Variants in RETREG1 observed in about 807,000 individuals in gnomAD.
RETREG1 encodes the protein family with sequence similarity 134 member B.
RETREG1 carries 44 observed loss-of-function variants against 54.8 expected under a neutral mutation model. That is an observed-to-expected ratio of 0.80 (90% confidence interval 0.63 to 1.03). RETREG1 has a LOEUF of 1.03. RETREG1 is among the 50% of genes least tolerant of loss of function. The probability of loss-of-function intolerance (pLI) is 0.00; values close to 1 mark genes in which losing one functional copy is unlikely to be tolerated. For missense variants in RETREG1, 554 were observed against 605.1 expected, an observed-to-expected ratio of 0.92 and a Z score of 0.89; for synonymous variants, 217 against 238.5, an observed-to-expected ratio of 0.91 and a Z score of 0.83.
At chr5:16,554,835 G>A (rs1339649528) in intron 3 of RETREG1, among the ~76,000 whole-genome samples, 1 of 152,234 alleles carries the variant, frequency 6.6e-6, no homozygotes, top group East Asian at 1.9e-4. Flanking sequence ...AAACTTACTG[G>A]TATAACACAA....
intron 1 of RETREG1, among the ~76,000 whole-genome samples, chr5:16,578,476 GC>G (rs1430883715): frequency 3.3e-5 from 5 of 152,104 alleles, no homozygotes; most frequent in African/African-American, 1.2e-4. Flanking sequence ...ATGGAAACTG[GC>G]CTGTAAGGAC....
chr5:16,575,851 T>C (rs2126311474), intron 1 of RETREG1, among the ~76,000 whole-genome samples: 1 of 152,376 alleles, frequency 6.6e-6, no homozygotes, highest in African/African-American at 2.4e-5. Context: ...GAATAATCTG[T>C]ATTTAGAAAA....
chr5:16,616,471 C>T, intron 1 of RETREG1, 181 bp downstream of exon 1: 1 of 1,112,564 alleles, frequency 9.0e-7, no homozygotes, highest in South Asian at 1.7e-5. Flanking sequence ...GGACGTGCGT[C>T]CGGAGGAAAG....
chr5:16,567,866 T>C (rs1338307644), intron 2 of RETREG1, among the ~76,000 whole-genome samples: 3 of 151,944 alleles, frequency 2.0e-5, no homozygotes, highest in Non-Finnish European at 2.9e-5. Flanking sequence ...GAGTCTGAGG[T>C]AGGAGGATCA....
intron 2 of RETREG1, 132 bp from the exon 3 acceptor site, chr5:16,565,925 T>C: frequency 1.1e-6 from 1 of 948,284 alleles, no homozygotes; most frequent in South Asian, 1.4e-5. Flanking sequence ...CACCATCAAG[T>C]CATACAGTGT....
At position 16,602,985 on chromosome 5, in the gene RETREG1, G is replaced by A. The variant is rs1349939120; in HGVS notation, c.320+13667C>T. Reference sequence around the variant, plus strand: ...ATGGCGCCATCACACTCCAGCCTGGGCAACAAGAGAGAAACTCTGTCTCAA... The same window carrying A: ...ATGGCGCCATCACACTCCAGCCTGGACAACAAGAGAGAAACTCTGTCTCAA... On this transcript the variant is annotated intron_variant, in intron 1 of 8. Transcript: ENST00000306320. Among the ~76,000 whole-genome samples, 4 of 152,260 alleles carry A rather than the reference G, an allele frequency of 2.6e-5. No individual in the cohort carries two copies. In the East Asian group the frequency reaches 7.7e-4, roughly 29 times the overall value.
At chr5:16,479,923 A>G (rs954500863) in intron 5 of RETREG1, among the ~76,000 whole-genome samples, 2 of 152,084 alleles carry the variant, frequency 1.3e-5, no homozygotes, top group African/African-American at 4.8e-5. Context: ...GTGCCAGATC[A>G]TAGTTTTCAG....
chr5:16,604,440 C>T (rs1743131297), intron 1 of RETREG1, among the ~76,000 whole-genome samples: 1 of 152,212 alleles, frequency 6.6e-6, no homozygotes, highest in African/African-American at 2.4e-5. Context: ...TATCAAGGAT[C>T]ACTGCAGGAA....
chr5:16,535,452 G>A (rs1344968808), intron 3 of RETREG1, among the ~76,000 whole-genome samples: 3 of 150,438 alleles, frequency 2.0e-5, no homozygotes, highest in Admixed American at 6.6e-5. Flanking sequence ...TCCTCCATGC[G>A]TGCGCCTTTG....
chr5:16,498,781 C>A (rs890770040), intron 3 of RETREG1, among the ~76,000 whole-genome samples: 4 of 152,206 alleles, frequency 2.6e-5, no homozygotes, highest in African/African-American at 9.7e-5. Flanking sequence ...AGGACTGGAA[C>A]TTTCTCTGGG....
intron 6 of RETREG1, 87 bp downstream of exon 6, chr5:16,478,763 A>C: frequency 8.2e-7 from 1 of 1,218,744 alleles, no homozygotes; most frequent in Non-Finnish European, 1.2e-6. Context: ...AGCTAAAAGT[A>C]TCCTCAAATG....
rs956604032 is a variant in RETREG1 at position 16,594,135 on chromosome 5, T to G, written c.321-22033A>C. Among the ~76,000 whole-genome samples, 1 of 152,238 alleles carries G rather than the reference T, an allele frequency of 6.6e-6. No homozygotes were observed. The highest frequency in any genetic ancestry group is 2.4e-5 in the African/African-American group (1 of 41,472). ...AAACCTACACACAGCAGAGATTTGA[T>G]GGGCACCATCGGAAACAAAAGCTGG... On this transcript the variant is annotated intron_variant, in intron 1 of 8. Transcript: ENST00000306320. This position sits in a 1 kb window ranked among gnomAD's most constrained non-coding sequence, Gnocchi z 4.4.
At chr5:16,475,403 T>A (rs1435282048) in intron 8 of RETREG1, among the ~76,000 whole-genome samples, 169 bp from the exon 9 acceptor site, 1 of 151,690 alleles carries the variant, frequency 6.6e-6, no homozygotes, top group Non-Finnish European at 1.5e-5. Context: ...CTCCTCCTAA[T>A]CCTGCAACAC....
At chr5:16,579,211 T>A (rs777044435) in intron 1 of RETREG1, among the ~76,000 whole-genome samples, 1 of 152,208 alleles carries the variant, frequency 6.6e-6, no homozygotes, top group Non-Finnish European at 1.5e-5. Flanking sequence ...AAGAGCTTTA[T>A]ATGGAGTCAC....
intron 3 of RETREG1, among the ~76,000 whole-genome samples, chr5:16,553,619 C>T (rs1820680): frequency 0.069 from 10,540 of 151,878 alleles, 416 homozygotes; most frequent in Non-Finnish European, 0.094. Flanking sequence ...AATATAAGCG[C>T]GGCTTTTTTT....
At chr5:16,528,600 G>A (rs1740806088) in intron 3 of RETREG1, among the ~76,000 whole-genome samples, 1 of 152,118 alleles carries the variant, frequency 6.6e-6, no homozygotes, top group Non-Finnish European at 1.5e-5. Flanking sequence ...AGACACATCT[G>A]GAGACAAAGC....
intron 5 of RETREG1, among the ~76,000 whole-genome samples, chr5:16,479,901 C>T (rs776904588): frequency 7.9e-5 from 12 of 151,908 alleles, no homozygotes; most frequent in East Asian, 3.9e-4. Flanking sequence ...CCTGCCCCAT[C>T]GAAAGGTAGC....
intron 3 of RETREG1, among the ~76,000 whole-genome samples, chr5:16,526,810 C>T (rs997868676): frequency 2.0e-5 from 3 of 152,176 alleles, no homozygotes; most frequent in East Asian, 1.9e-4. Flanking sequence ...TGATGCACAC[C>T]GCCAGGTCCC....
At chr5:16,535,619 T>G in intron 3 of RETREG1, among the ~76,000 whole-genome samples, 1 of 149,708 alleles carries the variant, frequency 6.7e-6, no homozygotes, top group Non-Finnish European at 1.5e-5. Flanking sequence ...ACACGCTGCC[T>G]TCACGAAGTG....
Sources: allele counts gnomAD v4.1 joint callset (sites outside exome capture counted in the v4.1 genomes callset), GRCh38; gene constraint gnomAD v4.1.1; non-coding constraint Gnocchi (gnomAD v3.1); transcripts MANE v1.5; gene names NCBI Gene and HGNC (gene_info 2026-07-23, HGNC 2026-07-21).